Variants in KCNJ1 observed in about 807,000 individuals in gnomAD.
KCNJ1 encodes the protein ATP-sensitive inward rectifier potassium channel 1.
In KCNJ1, 24 loss-of-function variants were observed where a neutral mutation model predicts 21.9. The observed-to-expected ratio is 1.10, with a 90% CI of 0.79 to 1.54. KCNJ1 has a LOEUF of 1.54. Ranked by LOEUF, KCNJ1 falls within the 40% of genes most tolerant of loss-of-function variation. The pLI is 0.00. For missense variants in KCNJ1, 457 were observed against 455.4 expected, an observed-to-expected ratio of 1.00 and a Z score of -0.03; for synonymous variants, 152 against 160.9, an observed-to-expected ratio of 0.94 and a Z score of 0.42.
intron 1 of KCNJ1, among the ~76,000 whole-genome samples, chr11:128,860,026 G>A (rs1943672700): frequency 6.6e-6 from 1 of 152,192 alleles, no homozygotes; most frequent in Admixed American, 6.5e-5. Flanking sequence ...CAGCAGCAGC[G>A]CCCCCTGGCG....
rs750511447 is a variant in KCNJ1 at position 128,840,073 on chromosome 11, C to T, written c.171G>A (p.Lys57=). 1.5e-5 allele frequency: 25 copies of T among 1,614,080 alleles called. No individual in the cohort carries two copies. The highest frequency in any genetic ancestry group is 1.9e-5 in the Non-Finnish European group (23 of 1,180,048). ...TGAAAATGGTCATTTTGTATCTCCA[C>T]TTGAGGTCAAGTACCGTTGTCCAGA... is the stretch of plus-strand genomic sequence containing the variant. The part of the protein sequence containing the change: ...VDIWTTVLDL[K]WRYKMTIFIT... The change falls in exon 3 of 3, where the codon AAG becomes AAA. Residue 57 remains lysine (K), a synonymous_variant. Coordinates refer to ENST00000392666, the MANE Select transcript of KCNJ1 (RefSeq NM_153766.3).
intron 1 of KCNJ1, among the ~76,000 whole-genome samples, chr11:128,864,500 G>T (rs1321681563): frequency 6.6e-6 from 1 of 152,026 alleles, no homozygotes. Flanking sequence ...CACCCTGCTT[G>T]TTCATGATGA....
rs535922692 is a variant in KCNJ1, at chr11:128,848,421, GCCTCAAGCAATCCTCCTC to G, written c.-22+2282_-22+2299del. Among the ~76,000 whole-genome samples, 66 of 152,058 alleles carry G rather than the reference GCCTCAAGCAATCCTCCTC, an allele frequency of 4.3e-4. 2 individuals carry two copies. Among genetic ancestry groups the G allele is most frequent in the Middle Eastern group, 6.8e-3 (2 of 294 alleles). Reference sequence around the variant, plus strand: ...TTCCCAGGCTGGTCTTGAACTCCTGGCCTCAAGCAATCCTCCTCCCTCAGCCTCCCAAAGTGCTGAGAT... The same window carrying G: ...TTCCCAGGCTGGTCTTGAACTCCTGGCCTCAGCCTCCCAAAGTGCTGAGAT... On this transcript the variant is annotated intron_variant, in intron 2 of 2. Coordinates refer to ENST00000392666, the MANE Select transcript of KCNJ1 (RefSeq NM_153766.3).
At chr11:128,852,942 G>C (rs1309164600) in intron 1 of KCNJ1, among the ~76,000 whole-genome samples, 1 of 152,246 alleles carries the variant, frequency 6.6e-6, no homozygotes, top group Non-Finnish European at 1.5e-5. Context: ...CCTACAAAAG[G>C]CCTGCTGACG....
chr11:128,861,593 C>T (rs370957149), intron 1 of KCNJ1, among the ~76,000 whole-genome samples: 1 of 152,184 alleles, frequency 6.6e-6, no homozygotes, highest in East Asian at 1.9e-4. Flanking sequence ...AAACATACCC[C>T]TGCTCCTGGG....
rs752507419 is a variant in KCNJ1 at position 128,840,147 on chromosome 11, C to G, written c.97G>C (p.Glu33Gln). 3.7e-6 allele frequency: 6 copies of G among 1,614,184 alleles called. No individual in the cohort carries two copies. Among genetic ancestry groups the G allele is most frequent in the Non-Finnish European group, 5.1e-6 (6 of 1,180,038 alleles). Reference protein sequence around the residue: ...LVSKDGRCNIEFGNVEAQSRF... With the variant: ...LVSKDGRCNIQFGNVEAQSRF... ...GACTGTGCCTCCACATTGCCAAATT[C>G]TATGTTGCACCTTCCATCTTTGGAG... Residue 33 changes from glutamate to glutamine, a missense_variant, in exon 3 of 3, where the codon GAA (glutamate) becomes CAA (glutamine). Transcript: ENST00000392666.
chr11:128,847,535 A>G lies in KCNJ1; in HGVS notation c.-22+3186T>C, dbSNP rs1352934254. 3.3e-5 allele frequency among the ~76,000 whole-genome samples: 5 copies of G among 152,392 alleles called. No homozygotes were observed. The East Asian group carries it at 5.8e-4, about 18-fold the overall frequency. ...ATAGCCAAGTTAAATAGAAAAAGCC[A>G]TTAAAATGAGTTAAAAATTTCAAGT... On this transcript the variant is annotated intron_variant, in intron 2 of 2. Coordinates refer to ENST00000392666, the MANE Select transcript of KCNJ1 (RefSeq NM_153766.3).
At chr11:128,861,617 C>T (rs1943709139) in intron 1 of KCNJ1, among the ~76,000 whole-genome samples, 1 of 152,114 alleles carries the variant, frequency 6.6e-6, no homozygotes, top group East Asian at 1.9e-4. Flanking sequence ...CACTGCAGAG[C>T]GGGATAACTG....
chr11:128,857,472 A>C lies in KCNJ1; in HGVS notation c.-191-6582T>G, dbSNP rs538987519. The stretch of plus-strand genomic sequence containing the variant: ...ATGTGGACCCACAGTAGAGACTCTA[A>C]AAATCTTTCTTGACCAAGGTCAGTG... On this transcript the variant is annotated intron_variant, in intron 1 of 2. Coordinates refer to ENST00000392666, the MANE Select transcript of KCNJ1 (RefSeq NM_153766.3). Among the ~76,000 whole-genome samples the C allele has an allele frequency of 2.0e-5, 3 of 152,278 alleles. No homozygotes were observed. The East Asian group carries it at 5.8e-4, about 29-fold the overall frequency.
chr11:128,858,165 C>T (rs527615156), intron 1 of KCNJ1, among the ~76,000 whole-genome samples: 2 of 137,024 alleles, frequency 1.5e-5, no homozygotes, highest in Non-Finnish European at 3.1e-5. Context: ...GGAGGGATGG[C>T]GAGGGATGGC....
intron 1 of KCNJ1, among the ~76,000 whole-genome samples, chr11:128,854,066 C>T (rs1455336815): frequency 1.3e-5 from 2 of 149,066 alleles, no homozygotes; most frequent in African/African-American, 5.0e-5. Flanking sequence ...TCCACCTGCA[C>T]CTGGGCTCTG....
Position 128,839,758 on chromosome 11 carries a change from CT to C in KCNJ1, c.485del (p.Lys162ArgfsTer19), listed in dbSNP as rs772705833. 9.9e-6 allele frequency: 16 copies of C among 1,613,924 alleles called. No individual in the cohort carries two copies. The highest frequency in any genetic ancestry group is 1.2e-5 in the Non-Finnish European group (14 of 1,180,014). ...TGGCACGTTTTTTGGGCCTGGAGAT[CT>C]TGGCTAAGATGGCCCCACACATGAA... is the stretch of plus-strand genomic sequence containing the variant. The part of the protein sequence containing the change: ...NSFMCGAILA[K>X]ISRPKKRAKT... On this transcript the variant is annotated frameshift_variant, in exon 3 of 3. Transcript: ENST00000392666. LOFTEE classifies it high-confidence loss of function.
At chr11:128,864,296 G>A (rs1340611123) in intron 1 of KCNJ1, among the ~76,000 whole-genome samples, 1 of 151,770 alleles carries the variant, frequency 6.6e-6, no homozygotes, top group African/African-American at 2.4e-5. Flanking sequence ...ATGTTGGCCA[G>A]GCTGGTCTTG....
At chr11:128,840,449 G>A (rs1943264571) in intron 2 of KCNJ1, among the ~76,000 whole-genome samples, 185 bp from the exon 3 acceptor site, 1 of 152,106 alleles carries the variant, frequency 6.6e-6, no homozygotes, top group Non-Finnish European at 1.5e-5. Context: ...CTTTCCACTG[G>A]AAGACCATGT....
At chr11:128,856,201 G>A (rs1264302649) in intron 1 of KCNJ1, among the ~76,000 whole-genome samples, 1 of 152,030 alleles carries the variant, frequency 6.6e-6, no homozygotes, top group Admixed American at 6.6e-5. Context: ...TAATGAAGTG[G>A]TGAAAGGCTG....
chr11:128,858,102 T>G (rs1467359642), intron 1 of KCNJ1, among the ~76,000 whole-genome samples: 2 of 101,072 alleles, frequency 2.0e-5, no homozygotes, highest in African/African-American at 4.0e-5. Flanking sequence ...TGGCGAGAGA[T>G]GGGGAGGGAT....
intron 1 of KCNJ1, among the ~76,000 whole-genome samples, chr11:128,854,413 C>A (rs1005771118): frequency 6.6e-6 from 1 of 152,134 alleles, no homozygotes; most frequent in African/African-American, 2.4e-5. Flanking sequence ...CATGACCTCG[C>A]AGACAAGCCA....
chr11:128,855,129 G>A (rs536783832), intron 1 of KCNJ1, among the ~76,000 whole-genome samples: 2 of 152,290 alleles, frequency 1.3e-5, no homozygotes, highest in Admixed American at 6.5e-5. Context: ...AACGTAAGGA[G>A]CAGTAAAAAC....
In KCNJ1 at chr11:128,839,569, C is replaced by T. The variant is rs748871744; in HGVS notation, c.675G>A (p.Leu225=). 1.2e-6 allele frequency: 2 copies of T among 1,613,962 alleles called. No individual in the cohort carries two copies. Among genetic ancestry groups the T allele is most frequent in the South Asian group, 2.2e-5 (2 of 91,090 alleles). Residue 225 remains leucine (L), a synonymous_variant, in exon 3 of 3, where the codon TTG becomes TTA. Coordinates refer to ENST00000392666, the MANE Select transcript of KCNJ1 (RefSeq NM_153766.3). ...TVTPEGETII[L]DQININFVVD... ...CTACAAAGTTGATATTGATCTGGTC[C>T]AAAATAATGGTCTCTCCTTCAGGAG...
Sources: allele counts gnomAD v4.1 joint callset (sites outside exome capture counted in the v4.1 genomes callset), GRCh38; gene constraint gnomAD v4.1.1; transcripts MANE v1.5; gene names NCBI Gene and HGNC (gene_info 2026-07-23, HGNC 2026-07-21).